The following ARHGAP21 variants were observed in gnomAD, a reference collection of about 807,000 sequenced individuals.
ARHGAP21 encodes rho GTPase-activating protein 21.
A neutral mutation model predicts 164.6 loss-of-function variants in ARHGAP21; 38 were observed. The observed-to-expected ratio is 0.23, with a 90% CI of 0.18 to 0.30. The LOEUF (loss-of-function observed/expected upper bound fraction) is 0.30, where lower values mean the gene tolerates loss of function less well. Among genes scored for constraint, ARHGAP21 ranks in the 10% least tolerant of loss-of-function variants. The pLI is 1.00. For synonymous variants in ARHGAP21, 766 were observed against 857.9 expected (o/e 0.89, Z 1.87); for missense variants, 1,822 against 2,370.7 (o/e 0.77, Z 4.81).
intron 4 of ARHGAP21, among the ~76,000 whole-genome samples, chr10:24,646,018 T>C (rs1239531041): frequency 2.0e-5 from 3 of 152,206 alleles, no homozygotes; most frequent in Non-Finnish European, 4.4e-5. Context: ...GTAATTAGTT[T>C]AGTGAGTGGC....
intron 2 of ARHGAP21, among the ~76,000 whole-genome samples, chr10:24,715,528 A>G (rs1227058103): frequency 6.6e-6 from 1 of 152,170 alleles, no homozygotes; most frequent in Non-Finnish European, 1.5e-5. Flanking sequence ...TGTTTCATAC[A>G]TTTGTACTAC....
rs1260079223 is a variant in ARHGAP21 at position 24,607,890 on chromosome 10, G to A, written c.2436C>T (p.Ser812=). The change falls in exon 10 of 26, where the codon AGC becomes AGT. Residue 812 remains serine (S), a synonymous_variant. Transcript: ENST00000396432. ...GTGCAATATCATGATCAATGCTAGG[G>A]CTAGTTGGTTCATCTGTAAGAAAAA... ...ASIPFIDEPT[S]PSIDHDIAHI... 1 of 1,600,666 alleles carries A rather than the reference G, an allele frequency of 6.2e-7. No individual in the cohort carries two copies. The highest frequency in any genetic ancestry group is 1.1e-5 in the South Asian group (1 of 88,804).
At chr10:24,695,559 A>G (rs1163076513) in intron 2 of ARHGAP21, among the ~76,000 whole-genome samples, 2 of 144,712 alleles carry the variant, frequency 1.4e-5, no homozygotes, top group African/African-American at 5.0e-5. Context: ...ATGGAGTGAG[A>G]CTGCGTCAAA....
chr10:24,714,344 C>T (rs540528691), intron 2 of ARHGAP21: 1 of 152,284 alleles, frequency 6.6e-6, no homozygotes, highest in Admixed American at 6.5e-5. Flanking sequence ...AAATGAAGAA[C>T]ATCAAGGCAC....
chr10:24,652,307 C>T (rs1838261289), intron 4 of ARHGAP21, among the ~76,000 whole-genome samples: 1 of 152,132 alleles, frequency 6.6e-6, no homozygotes, highest in Admixed American at 6.5e-5. Flanking sequence ...GAAAAAAATT[C>T]ATCTTGACCT....
In ARHGAP21 at chr10:24,690,827, CAAA is replaced by C. The variant is rs11285145; in HGVS notation, c.64-20433_64-20431del. 3.0e-3 allele frequency among the ~76,000 whole-genome samples: 429 copies of C among 142,408 alleles called. 3 individuals carry two copies. Among genetic ancestry groups the C allele is most frequent in the African/African-American group, 9.8e-3 (381 of 38,794 alleles). 93.4% of individuals were successfully genotyped at this position (142,408 alleles called of 152,430 possible). A position where few individuals can be genotyped will look rare whatever the true frequency, so the allele number is the denominator to read the frequency against. On this transcript the variant is annotated intron_variant, in intron 2 of 25. Transcript: ENST00000396432. ...TGAGTGACAGAGGGAGACTCCATCTCAAAAAAAAAAATATATATATATATATAC... is the reference window on the plus strand; with the variant it reads ...TGAGTGACAGAGGGAGACTCCATCTCAAAAAAAATATATATATATATATAC...
At chr10:24,615,930 G>A (rs535157529) in intron 9 of ARHGAP21, among the ~76,000 whole-genome samples, 2 of 151,942 alleles carry the variant, frequency 1.3e-5, no homozygotes, top group African/African-American at 2.4e-5. Flanking sequence ...ACCCCACCAC[G>A]CCCAGCTAAT....
chr10:24,655,720 G>C (rs998863667), intron 4 of ARHGAP21, among the ~76,000 whole-genome samples: 1 of 138,638 alleles, frequency 7.2e-6, no homozygotes, highest in Admixed American at 7.2e-5. Flanking sequence ...GCCCAGTCTG[G>C]AAAGTGAGGA....
chr10:24,670,490 C>G, intron 2 of ARHGAP21, 93 bp from the exon 3 acceptor site: 2 of 742,954 alleles, frequency 2.7e-6, no homozygotes, highest in Non-Finnish European at 1.9e-6. Context: ...TACCTGAGCG[C>G]CGATATGAAC....
At position 24,607,862 on chromosome 10, in the gene ARHGAP21, T is replaced by C. The variant is rs779314647; in HGVS notation, c.2464A>G (p.Ile822Val). ...SPSIDHDIAH[I>V]PASAVISAST... ...GCTGATATAACAGCAGAGGCAGGGA[T>C]ATGTGCAATATCATGATCAATGCTA... Residue 822 changes from isoleucine (I) to valine (V), a missense_variant, in exon 10 of 26, where the codon ATC becomes GTC. Physicochemically the swap from Ile to Val is conservative, Grantham distance 29 (BLOSUM62 3). Coordinates refer to ENST00000396432, the MANE Select transcript of ARHGAP21 (RefSeq NM_020824.4). 1.9e-6 allele frequency: 3 copies of C among 1,613,900 alleles called. No individual in the cohort carries two copies. In the East Asian group the frequency reaches 6.7e-5, roughly 36 times the overall value.
At chr10:24,719,797 T>A (rs180986069) in intron 2 of ARHGAP21, among the ~76,000 whole-genome samples, 14 of 152,330 alleles carry the variant, frequency 9.2e-5, no homozygotes, top group African/African-American at 3.4e-4. Flanking sequence ...CAAGATTTAA[T>A]GTGTATCAGA....
intron 6 of ARHGAP21, 106 bp downstream of exon 6, chr10:24,633,296 T>G (rs1836020692): frequency 2.5e-6 from 2 of 812,144 alleles, no homozygotes; most frequent in Admixed American, 5.9e-5. Context: ...GTTCCACATC[T>G]CCTTGTCACC....
At chr10:24,626,711 T>C (rs1593077166) in intron 7 of ARHGAP21, among the ~76,000 whole-genome samples, 1 of 152,252 alleles carries the variant, frequency 6.6e-6, no homozygotes, top group East Asian at 1.9e-4. Context: ...TAGATAACAT[T>C]TAATGGGGAA....
chr10:24,644,261 G>C (rs952770160), intron 4 of ARHGAP21, among the ~76,000 whole-genome samples: 1 of 151,980 alleles, frequency 6.6e-6, no homozygotes, highest in Admixed American at 6.6e-5. Flanking sequence ...CAAATCTCAT[G>C]GATATATAAA....
chr10:24,645,997 C>T (rs886125798), intron 4 of ARHGAP21, among the ~76,000 whole-genome samples: 1 of 152,204 alleles, frequency 6.6e-6, no homozygotes, highest in Non-Finnish European at 1.5e-5. Context: ...GGCCACATCA[C>T]TTCCTTCCCA....
At chr10:24,692,494 C>A (rs1261656358) in intron 2 of ARHGAP21, among the ~76,000 whole-genome samples, 1 of 152,144 alleles carries the variant, frequency 6.6e-6, no homozygotes, top group Non-Finnish European at 1.5e-5. Context: ...ATTTTGGAAA[C>A]AGTAACAGCC....
At chr10:24,613,987 C>T (rs1238370144) in intron 9 of ARHGAP21, among the ~76,000 whole-genome samples, 2 of 152,258 alleles carry the variant, frequency 1.3e-5, no homozygotes, top group South Asian at 4.1e-4. Context: ...AGTGTACAAG[C>T]GTGTGTGTAT....
chr10:24,631,886 G>A (rs1313486532), intron 6 of ARHGAP21, among the ~76,000 whole-genome samples: 1 of 151,894 alleles, frequency 6.6e-6, no homozygotes, highest in Non-Finnish European at 1.5e-5. Flanking sequence ...ACACCAGCAC[G>A]CCCAGCTAAT....
intron 3 of ARHGAP21, among the ~76,000 whole-genome samples, chr10:24,669,644 G>A (rs900258261): frequency 2.0e-5 from 3 of 152,152 alleles, no homozygotes; most frequent in Non-Finnish European, 4.4e-5. Context: ...CGCTCATAAC[G>A]AATGGTAAGG....
Sources: gnomAD v4.1 joint callset for allele counts (sites outside exome capture counted in the v4.1 genomes callset) on GRCh38, gnomAD v4.1.1 for gene constraint, MANE v1.5 for transcripts, NCBI Gene and HGNC (gene_info 2026-07-23, HGNC 2026-07-21) for gene names.